Variants in DCC observed in about 807,000 individuals in gnomAD.
DCC encodes DCC netrin 1 receptor, also known as netrin receptor DCC.
In DCC, 58 loss-of-function variants were observed where a neutral mutation model predicts 172.5. The observed-to-expected ratio is 0.34, with a 90% confidence interval of 0.27 to 0.42. The LOEUF (loss-of-function observed/expected upper bound fraction) is 0.42, where lower values mean the gene tolerates loss of function less well. DCC is among the 10% of genes least tolerant of loss of function. The probability of loss-of-function intolerance (pLI) is 1.00; values close to 1 mark genes in which losing one functional copy is unlikely to be tolerated. For missense variants in DCC, 1,740 were observed against 1,791.0 expected (o/e 0.97, Z 0.51); for synonymous variants, 709 against 644.5 (o/e 1.10, Z -1.52).
At chr18:53,422,379 A>T (rs11872503) in intron 21 of DCC, among the ~76,000 whole-genome samples, 65,360 of 151,662 alleles carry the variant, frequency 0.43, 15,842 homozygotes, top group Non-Finnish European at 0.55. Flanking sequence ...TCGCTCAGAG[A>T]TTCACCTCTA....
intron 1 of DCC, among the ~76,000 whole-genome samples, chr18:52,357,853 G>C (rs1984439769): frequency 6.6e-6 from 1 of 151,610 alleles, no homozygotes; most frequent in African/African-American, 2.4e-5. Flanking sequence ...CAGGAGAATG[G>C]TGTGAACCCA....
chr18:53,408,250 A>G (rs1354979887), intron 19 of DCC, among the ~76,000 whole-genome samples: 3 of 152,158 alleles, frequency 2.0e-5, no homozygotes, highest in Admixed American at 2.0e-4. Context: ...CATATTTGTT[A>G]TCTTATGGTT....
At chr18:52,792,470 T>C (rs2037789331) in intron 2 of DCC, among the ~76,000 whole-genome samples, 1 of 152,136 alleles carries the variant, frequency 6.6e-6, no homozygotes, top group South Asian at 2.1e-4. Flanking sequence ...TGGGTAACAC[T>C]CAGGGGTAGC....
At chr18:52,447,778 G>A (rs1187589252) in intron 1 of DCC, among the ~76,000 whole-genome samples, 2 of 151,968 alleles carry the variant, frequency 1.3e-5, no homozygotes, top group African/African-American at 2.4e-5. Flanking sequence ...GACAGAGAGT[G>A]GGGAGGTGCC....
At chr18:52,500,759 A>AT (rs1400093206) in intron 1 of DCC, among the ~76,000 whole-genome samples, 5 of 151,550 alleles carry the variant, frequency 3.3e-5, no homozygotes, top group East Asian at 1.9e-4. Flanking sequence ...ATGATTTTTG[A>AT]TTTTTTTTTA....
chr18:53,003,342 G>A (rs1032921078), intron 5 of DCC, among the ~76,000 whole-genome samples: 2 of 152,206 alleles, frequency 1.3e-5, no homozygotes, highest in Non-Finnish European at 2.9e-5. Flanking sequence ...TCTTGGATCT[G>A]TAATACACAT....
At chr18:52,663,768 AAAGTGGAAACAT>A (rs2035408631) in intron 1 of DCC, among the ~76,000 whole-genome samples, 1 of 152,230 alleles carries the variant, frequency 6.6e-6, no homozygotes, top group Admixed American at 6.5e-5. Flanking sequence ...TAACAATGTT[AAAGTGGAAACAT>A]CACAAAATAA....
At chr18:53,411,043 T>A (rs1909953293) in intron 20 of DCC, among the ~76,000 whole-genome samples, 1 of 152,036 alleles carries the variant, frequency 6.6e-6, no homozygotes, top group Non-Finnish European at 1.5e-5. Context: ...ATCCCTTATA[T>A]ATTAAAGAAA....
chr18:52,747,481 A>G (rs2036924022), intron 1 of DCC, among the ~76,000 whole-genome samples: 1 of 152,202 alleles, frequency 6.6e-6, no homozygotes. Context: ...TTTAGTTTTG[A>G]TTCTCAAAAT....
At chr18:53,147,980 T>C (rs1050357879) in intron 7 of DCC, among the ~76,000 whole-genome samples, 2 of 152,140 alleles carry the variant, frequency 1.3e-5, no homozygotes, top group Admixed American at 6.5e-5. Context: ...TAGTTCTTCT[T>C]ACTTAAGTTG....
At position 53,301,715 on chromosome 18, in the gene DCC, T is replaced by C. The variant is rs780343558; in HGVS notation, c.1912-3863T>C. On this transcript the variant is annotated intron_variant, in intron 12 of 28. Transcript: ENST00000442544. ...ATTCATCATTTGTAGATATCATCTA[T>C]TGGTTTATTTTTATGTCAGGATTTG... 6.7e-4 allele frequency among the ~76,000 whole-genome samples: 102 copies of C among 152,294 alleles called. 3 individuals carry two copies. Among genetic ancestry groups the C allele is most frequent in the Middle Eastern group, 6.8e-3 (2 of 294 alleles).
At chr18:52,512,975 A>G (rs145745115) in intron 1 of DCC, among the ~76,000 whole-genome samples, 4 of 152,306 alleles carry the variant, frequency 2.6e-5, no homozygotes, top group Non-Finnish European at 5.9e-5. Flanking sequence ...GATGGCTTAT[A>G]CCAATAGAGA....
At chr18:52,952,214 T>G (rs886379221) in intron 5 of DCC, among the ~76,000 whole-genome samples, 1 of 152,324 alleles carries the variant, frequency 6.6e-6, no homozygotes, top group South Asian at 2.1e-4. Context: ...TATTTTAATG[T>G]TTTCTTTTTC....
At chr18:53,480,590 A>T (rs941531620) in intron 25 of DCC, among the ~76,000 whole-genome samples, 2 of 152,134 alleles carry the variant, frequency 1.3e-5, no homozygotes, top group Admixed American at 6.6e-5. Flanking sequence ...TATTCAATGC[A>T]GTTTTGGATG....
At chr18:53,289,074 T>C (rs2056968231) in intron 12 of DCC, among the ~76,000 whole-genome samples, 1 of 152,172 alleles carries the variant, frequency 6.6e-6, no homozygotes, top group Admixed American at 6.5e-5. Context: ...TGGGTATCAC[T>C]GTCAACCTGC....
At chr18:53,139,223 G>T (rs960403446) in intron 7 of DCC, among the ~76,000 whole-genome samples, 1 of 152,018 alleles carries the variant, frequency 6.6e-6, no homozygotes, top group Non-Finnish European at 1.5e-5. Context: ...GACTTTTTCC[G>T]GACTAAGCCA....
Position 52,934,945 on chromosome 18 carries a change from T to C in DCC, c.985+9575T>C, listed in dbSNP as rs192085062. The stretch of plus-strand genomic sequence containing the variant: ...AGAGCTATAAGAAAGTACATTTGTG[T>C]GTCTAAGCCACCCAGTCTGTTGTAT... On this transcript the variant is annotated intron_variant, in intron 5 of 28. Transcript: ENST00000442544. The C allele has an allele frequency of 2.0e-5, 3 of 152,268 alleles. No homozygotes were observed. In the East Asian group the frequency reaches 5.8e-4, roughly 29 times the overall value. 9.4% of individuals were successfully genotyped at this position (152,268 alleles called of 1,614,324 possible). A position where few individuals can be genotyped will look rare whatever the true frequency, so the allele number is the denominator to read the frequency against.
chr18:52,385,748 A>G (rs549376386), intron 1 of DCC, among the ~76,000 whole-genome samples: 2 of 152,192 alleles, frequency 1.3e-5, no homozygotes, highest in South Asian at 4.1e-4. Flanking sequence ...GACCAAATGA[A>G]TTAATTATCT....
intron 1 of DCC, among the ~76,000 whole-genome samples, chr18:52,564,672 G>GGC (rs1439826826): frequency 7.0e-6 from 1 of 143,518 alleles, no homozygotes; most frequent in African/African-American, 2.6e-5. Flanking sequence ...AATATTGGGG[G>GGC]GGGGGGTGTT....
Sources: allele counts gnomAD v4.1 joint callset (sites outside exome capture counted in the v4.1 genomes callset), GRCh38; gene constraint gnomAD v4.1.1; transcripts MANE v1.5; gene names NCBI Gene and HGNC (gene_info 2026-07-23, HGNC 2026-07-21).